Variants in SUPT3H observed in about 807,000 individuals in gnomAD.
SUPT3H encodes the protein SPT3 homolog, SAGA and STAGA complex component, also known as transcription initiation protein SPT3 homolog.
Under a neutral mutation model 44.3 loss-of-function variants are expected in SUPT3H, and 44 were observed. The observed-to-expected ratio is 0.99, with a 90% CI of 0.78 to 1.28. The LOEUF (loss-of-function observed/expected upper bound fraction) is 1.28, where lower values mean the gene tolerates loss of function less well. SUPT3H is among the 50% of genes most tolerant of loss of function. The pLI is 0.00. For missense variants in SUPT3H, 380 were observed against 387.1 expected, an observed-to-expected ratio of 0.98 and a Z score of 0.15; for synonymous variants, 124 against 125.6, an observed-to-expected ratio of 0.99 and a Z score of 0.09.
intron 6 of SUPT3H, among the ~76,000 whole-genome samples, chr6:44,981,590 T>C (rs954119854): frequency 6.6e-6 from 1 of 152,100 alleles, no homozygotes; most frequent in Non-Finnish European, 1.5e-5. Flanking sequence ...AAGATTAGCG[T>C]GAGTGGTAAT....
chr6:44,912,846 T>C (rs2153453622), intron 10 of SUPT3H, among the ~76,000 whole-genome samples: 1 of 152,318 alleles, frequency 6.6e-6, no homozygotes, highest in African/African-American at 2.4e-5. Flanking sequence ...GCAGTTACTG[T>C]GCTAGGTGAG....
At chr6:44,901,181 T>C (rs1764976576) in intron 10 of SUPT3H, among the ~76,000 whole-genome samples, 1 of 152,208 alleles carries the variant, frequency 6.6e-6, no homozygotes, top group Non-Finnish European at 1.5e-5. Flanking sequence ...GAGAATGACT[T>C]TGACAAGTTG....
At chr6:45,214,560 T>C (rs942213461) in intron 2 of SUPT3H, among the ~76,000 whole-genome samples, 1 of 152,076 alleles carries the variant, frequency 6.6e-6, no homozygotes, top group Non-Finnish European at 1.5e-5. Context: ...AAATAAAGAC[T>C]GAAAAGCCAG....
At chr6:45,322,459 A>G (rs1260338555) in intron 2 of SUPT3H, among the ~76,000 whole-genome samples, 1 of 151,722 alleles carries the variant, frequency 6.6e-6, no homozygotes, top group Non-Finnish European at 1.5e-5. Context: ...TTAAAAGTAA[A>G]ATTAGTGCAA....
rs75497608 is a variant in SUPT3H, at chr6:44,984,065, G to A, written c.504+19588C>T. Reference sequence around the variant, plus strand: ...ATGAATGAATAGAGGGTCTAATCTAGTAAGGAGCTAAGGCACTGTCTGCCT... The same window carrying A: ...ATGAATGAATAGAGGGTCTAATCTAATAAGGAGCTAAGGCACTGTCTGCCT... On this transcript the variant is annotated intron_variant, in intron 6 of 10. Transcript: ENST00000371459. 6.2e-3 allele frequency among the ~76,000 whole-genome samples: 947 copies of A among 152,282 alleles called. 18 individuals carry two copies. The highest frequency in any genetic ancestry group is 0.022 in the African/African-American group (896 of 41,562).
intron 2 of SUPT3H, among the ~76,000 whole-genome samples, chr6:45,129,647 G>A (rs745597846): frequency 2.0e-5 from 3 of 151,878 alleles, no homozygotes; most frequent in South Asian, 2.1e-4. Flanking sequence ...ATTTTTGTAC[G>A]TCAATATTTA....
chr6:45,232,489 T>C (rs752453710), intron 2 of SUPT3H, among the ~76,000 whole-genome samples: 1 of 152,098 alleles, frequency 6.6e-6, no homozygotes, highest in Non-Finnish European at 1.5e-5. Flanking sequence ...GCAGTGTACA[T>C]TGGTATGAGG....
In SUPT3H at chr6:44,932,751, A is replaced by G; in HGVS notation, c.814T>C (p.Cys272Arg). The change falls in exon 10 of 11, where the codon TGT becomes CGT. Residue 272 changes from cysteine to arginine, a missense_variant. Transcript: ENST00000371459. Reference sequence around the variant, plus strand: ...GCATCGCTGTGAGCCTCAACACCACAGGCTGCAGTGCTCTGCGACAGAAAA... The same window carrying G: ...GCATCGCTGTGAGCCTCAACACCACGGGCTGCAGTGCTCTGCGACAGAAAA... The part of the protein sequence containing the change: ...YHNSAESTAA[C>R]GVEAHSDAIQ... 6.2e-7 allele frequency: 1 copy of G among 1,607,150 alleles called. No individual in the cohort carries two copies. The highest frequency in any genetic ancestry group is 1.7e-5 in the Admixed American group (1 of 58,280).
intron 2 of SUPT3H, among the ~76,000 whole-genome samples, chr6:45,313,653 T>TTG (rs1784288030): frequency 4.4e-5 from 1 of 22,506 alleles, no homozygotes; most frequent in Non-Finnish European, 6.9e-5. Flanking sequence ...AATTTAAAAA[T>TTG]TATAAAAAAA....
At chr6:45,285,766 A>C (rs1416759299) in intron 2 of SUPT3H, among the ~76,000 whole-genome samples, 1 of 152,202 alleles carries the variant, frequency 6.6e-6, no homozygotes, top group Non-Finnish European at 1.5e-5. Flanking sequence ...ATGGAACCAA[A>C]AAAGAGCCTG....
chr6:44,870,789 G>T (rs1447286169), intron 10 of SUPT3H, among the ~76,000 whole-genome samples: 2 of 150,722 alleles, frequency 1.3e-5, no homozygotes, highest in East Asian at 2.0e-4. Context: ...CAGTGTGTGC[G>T]CGCACCCTGC....
intron 10 of SUPT3H, among the ~76,000 whole-genome samples, chr6:44,931,558 C>T (rs1226623341): frequency 6.6e-6 from 1 of 151,934 alleles, no homozygotes; most frequent in South Asian, 2.1e-4. Context: ...AACATTCATG[C>T]AAAAGGATAT....
chr6:44,842,971 C>A (rs551952322), intron 10 of SUPT3H, among the ~76,000 whole-genome samples: 1 of 151,878 alleles, frequency 6.6e-6, no homozygotes, highest in South Asian at 2.1e-4. Flanking sequence ...GGAATTATCA[C>A]CTGGGCACAT....
chr6:45,308,154 A>G (rs1313802897), intron 2 of SUPT3H, among the ~76,000 whole-genome samples: 2 of 152,218 alleles, frequency 1.3e-5, no homozygotes, highest in African/African-American at 4.8e-5. Flanking sequence ...TGAAAGTGAC[A>G]GGGAGAATGG....
chr6:45,355,397 TTATAG>T (rs1309519514), intron 2 of SUPT3H, among the ~76,000 whole-genome samples: 1 of 151,122 alleles, frequency 6.6e-6, no homozygotes, highest in African/African-American at 2.4e-5. Context: ...ACTTCATTTA[TTATAG>T]AATAAAATGT....
In SUPT3H at chr6:45,160,476, G is replaced by A. The variant is rs1398956153; in HGVS notation, c.102-54470C>T. On this transcript the variant is annotated intron_variant, in intron 2 of 10. Transcript: ENST00000371459. ...AAAGAGATTTTCCATAGAAATGAAT[G>A]AGCACGACACACACAGATTCTGCAA... Among the ~76,000 whole-genome samples, 10 of 152,106 alleles carry A rather than the reference G, an allele frequency of 6.6e-5. No homozygotes were observed. In the South Asian group the frequency reaches 2.1e-3, roughly 31 times the overall value.
chr6:45,270,533 A>T (rs1486923247), intron 2 of SUPT3H, among the ~76,000 whole-genome samples: 1 of 152,178 alleles, frequency 6.6e-6, no homozygotes, highest in Non-Finnish European at 1.5e-5. Context: ...ACCATGTAGC[A>T]CGGGACTTGC....
At chr6:45,342,780 A>C (rs1273922466) in intron 2 of SUPT3H, among the ~76,000 whole-genome samples, 1 of 152,208 alleles carries the variant, frequency 6.6e-6, no homozygotes, top group African/African-American at 2.4e-5. Flanking sequence ...CCCATACAAA[A>C]AAATACATAT....
chr6:45,115,305 T>C (rs1162731876), intron 2 of SUPT3H, among the ~76,000 whole-genome samples: 1 of 152,118 alleles, frequency 6.6e-6, no homozygotes, highest in East Asian at 1.9e-4. Flanking sequence ...CCATCAGATC[T>C]TTAGAAAATT....
Sources: allele counts gnomAD v4.1 joint callset (sites outside exome capture counted in the v4.1 genomes callset), GRCh38; gene constraint gnomAD v4.1.1; transcripts MANE v1.5; gene names NCBI Gene and HGNC (gene_info 2026-07-23, HGNC 2026-07-21).